The following CCR7 variants were observed in gnomAD, a reference collection of about 807,000 sequenced individuals.
The protein encoded by CCR7 is C-C motif chemokine receptor 7, also known as C-C chemokine receptor type 7.
CCR7 carries 11 observed loss-of-function variants against 26.0 expected under a neutral mutation model. That is an observed-to-expected ratio of 0.42 (90% CI 0.27 to 0.70). CCR7 has a LOEUF of 0.70. Ranked by LOEUF, CCR7 falls within the 30% of genes least tolerant of loss-of-function variation. The probability of loss-of-function intolerance (pLI) is 0.23; values close to 1 mark genes in which losing one functional copy is unlikely to be tolerated. For missense variants in CCR7, 360 were observed against 504.0 expected (o/e 0.71, Z 2.74); for synonymous variants, 189 against 202.1 (o/e 0.94, Z 0.55).
In CCR7 at chr17:40,555,756, G is replaced by A; in HGVS notation, c.123C>T (p.Tyr41=). 1.2e-6 allele frequency: 2 copies of A among 1,614,220 alleles called. No homozygotes were observed. The highest frequency in any genetic ancestry group is 1.1e-5 in the South Asian group (1 of 91,084). The stretch of plus-strand genomic sequence containing the variant: ...TGGAGCACAAAGACTCGAACAAAGT[G>A]TAGTCCACTGTGGTGTTGTCTCCGA... The part of the protein sequence containing the change: ...DYIGDNTTVD[Y]TLFESLCSKK... The change falls in exon 3 of 3, where the codon TAC becomes TAT. Residue 41 remains tyrosine (Y), a synonymous_variant. Transcript: ENST00000246657. This position sits in a 1 kb window ranked among gnomAD's most constrained non-coding sequence, Gnocchi z 5.6.
intron 1 of CCR7, among the ~76,000 whole-genome samples, chr17:40,563,429 C>T (rs2036674015): frequency 1.3e-5 from 2 of 152,276 alleles, no homozygotes; most frequent in Middle Eastern, 3.4e-3. Flanking sequence ...GAAAGATCTT[C>T]GGTCTCATTG....
At chr17:40,560,079 C>T (rs752841857) in intron 1 of CCR7, among the ~76,000 whole-genome samples, 2 of 152,122 alleles carry the variant, frequency 1.3e-5, no homozygotes, top group Non-Finnish European at 2.9e-5. Context: ...ATGGGGACCC[C>T]GGTGTAGCAC....
intron 1 of CCR7, among the ~76,000 whole-genome samples, chr17:40,561,375 A>G (rs2036653897): frequency 6.6e-6 from 1 of 152,204 alleles, no homozygotes; most frequent in East Asian, 1.9e-4. Context: ...TGTATGTGGC[A>G]AAAGGGAGCC....
intron 1 of CCR7, among the ~76,000 whole-genome samples, chr17:40,559,905 GAC>G (rs1473375016): frequency 1.3e-5 from 2 of 152,042 alleles, no homozygotes; most frequent in African/African-American, 4.8e-5. Flanking sequence ...CTGATGTCAC[GAC>G]TTCTTTATTT....
intron 1 of CCR7, among the ~76,000 whole-genome samples, chr17:40,563,637 G>A (rs373426287): frequency 2.3e-4 from 35 of 152,124 alleles, no homozygotes; most frequent in Admixed American, 5.2e-4. Context: ...CAGAGAGCCC[G>A]TTTTGAGTAA....
intron 2 of CCR7, among the ~76,000 whole-genome samples, chr17:40,558,101 T>G (rs2143911350): frequency 6.6e-6 from 1 of 152,178 alleles, no homozygotes; most frequent in East Asian, 1.9e-4. Flanking sequence ...CCTCCAGACC[T>G]GGGGATGAGC....
Position 40,555,568 on chromosome 17 carries a change from T to C in CCR7, c.311A>G (p.Asp104Gly). Residue 104 changes from aspartate (D) to glycine (G), a missense_variant, in exon 3 of 3, where the codon GAC becomes GGC. Coordinates refer to ENST00000246657, the MANE Select transcript of CCR7 (RefSeq NM_001838.4). This position sits in a 1 kb window ranked among gnomAD's most constrained non-coding sequence, Gnocchi z 5.6. The part of the protein sequence containing the change: ...DTYLLNLAVA[D>G]ILFLLTLPFW... ...GGGAAGGGTCAGGAGGAAGAGGATG[T>C]CTGCCACCGCCAGGTTGAGCAGGTA... The C allele has an allele frequency of 6.2e-7, 1 of 1,614,094 alleles. No homozygotes were observed. Among genetic ancestry groups the C allele is most frequent in the Non-Finnish European group, 8.5e-7 (1 of 1,180,020 alleles).
Position 40,565,441 on chromosome 17 carries a change from AGGCTGTGCCC to A in CCR7, c.-42_-33del. On this transcript the variant is annotated 5_prime_UTR_variant, in exon 1 of 3. Transcript: ENST00000246657. ...CTCTGGGCGGTAAAACCACACAGGA[AGGCTGTGCCC>A]GGCCTCGCACTACCCCTGTCTGGGG... is the stretch of plus-strand genomic sequence containing the variant. 1 of 1,612,216 alleles carries A rather than the reference AGGCTGTGCCC, an allele frequency of 6.2e-7. No individual in the cohort carries two copies. The highest frequency in any genetic ancestry group is 8.5e-7 in the Non-Finnish European group (1 of 1,178,306).
At chr17:40,559,905 G>A (rs1249752871) in intron 1 of CCR7, among the ~76,000 whole-genome samples, 2 of 152,042 alleles carry the variant, frequency 1.3e-5, no homozygotes, top group Non-Finnish European at 2.9e-5. Context: ...CTGATGTCAC[G>A]ACTTCTTTAT....
chr17:40,561,972 C>T (rs929067562), intron 1 of CCR7, among the ~76,000 whole-genome samples: 5 of 152,166 alleles, frequency 3.3e-5, no homozygotes, highest in Admixed American at 6.5e-5. Context: ...ACTGAGCTCT[C>T]ACTGCGTGCC....
chr17:40,555,959 G>A lies in CCR7; in HGVS notation c.61-141C>T. ...CTCACTCTGTTGCCCAGGCTGGAGT[G>A]CAGTGGTGCAATCATGGCTCCCTGC... On this transcript the variant is annotated intron_variant, in intron 2 of 2. Transcript: ENST00000246657. This position sits in a 1 kb window ranked among gnomAD's most constrained non-coding sequence, Gnocchi z 5.6. 1.6e-6 allele frequency: 1 copy of A among 607,724 alleles called. No homozygotes were observed. Among genetic ancestry groups the A allele is most frequent in the South Asian group, 2.0e-5 (1 of 49,368 alleles). The allele number at this position is 607,724 out of a possible 1,614,324, so 37.6% of individuals were successfully genotyped here. A position where few individuals can be genotyped will look rare whatever the true frequency, so the allele number is the denominator to read the frequency against.
Position 40,555,526 on chromosome 17 carries a change from G to T in CCR7, c.353C>A (p.Ala118Glu). The change falls in exon 3 of 3, where the codon GCG (alanine) becomes GAG (glutamate). Residue 118 changes from alanine (A) to glutamate (E), a missense_variant. Physicochemically the swap from Ala to Glu is moderately radical, Grantham distance 107. Transcript: ENST00000246657. This position sits in a 1 kb window ranked among gnomAD's most constrained non-coding sequence, Gnocchi z 5.6. ...LLTLPFWAYSAAKSWVFGVHF... is the reference protein window; with the variant it reads ...LLTLPFWAYSEAKSWVFGVHF... ...GACACCGAAGACCCAGGACTTGGCCGCGCTGTAGGCCCAGAAGGGAAGGGT... is the reference window on the plus strand; with the variant it reads ...GACACCGAAGACCCAGGACTTGGCCTCGCTGTAGGCCCAGAAGGGAAGGGT... 2 of 1,614,110 alleles carry T rather than the reference G, an allele frequency of 1.2e-6. No homozygotes were observed. The highest frequency in any genetic ancestry group is 1.7e-6 in the Non-Finnish European group (2 of 1,180,030).
Position 40,554,457 on chromosome 17 carries a change from T to C in CCR7, c.*285A>G. The C allele has an allele frequency of 2.4e-6, 1 of 418,510 alleles. No homozygotes were observed. The highest frequency in any genetic ancestry group is 4.3e-6 in the Non-Finnish European group (1 of 232,214). The allele number at this position is 418,510 out of a possible 1,614,324, so 25.9% of individuals were successfully genotyped here. On this transcript the variant is annotated 3_prime_UTR_variant, in exon 3 of 3. Coordinates refer to ENST00000246657, the MANE Select transcript of CCR7 (RefSeq NM_001838.4). Reference sequence around the variant, plus strand: ...TTCACTCCAGCAGGTGGGAACAGTTTCTGGACTTTCACTTTCAGTTTTTGG... The same window carrying C: ...TTCACTCCAGCAGGTGGGAACAGTTCCTGGACTTTCACTTTCAGTTTTTGG...
intron 1 of CCR7, among the ~76,000 whole-genome samples, chr17:40,561,994 A>T (rs1431355361): frequency 6.6e-6 from 1 of 152,164 alleles, no homozygotes; most frequent in African/African-American, 2.4e-5. Flanking sequence ...CACTGTCTGC[A>T]TGTATGGTCT....
chr17:40,562,809 C>T (rs1387191009), intron 1 of CCR7, among the ~76,000 whole-genome samples: 2 of 152,128 alleles, frequency 1.3e-5, no homozygotes, highest in African/African-American at 4.8e-5. Context: ...CGGCTGCAGC[C>T]TTAGTCCCCA....
Position 40,555,091 on chromosome 17 carries a change from T to C in CCR7, c.788A>G (p.Lys263Arg). 6.2e-7 allele frequency: 1 copy of C among 1,614,184 alleles called. No individual in the cohort carries two copies. The highest frequency in any genetic ancestry group is 8.5e-7 in the Non-Finnish European group (1 of 1,180,038). The change falls in exon 3 of 3, where the codon AAG (lysine) becomes AGG (arginine). Residue 263 changes from lysine to arginine, a missense_variant. By Grantham distance (26) the Lys-to-Arg change is conservative. Coordinates refer to ENST00000246657, the MANE Select transcript of CCR7 (RefSeq NM_001838.4). The surrounding 1 kb of genome is among the most constrained non-coding windows in gnomAD (Gnocchi z 5.6). ...GACCACGACCACAGCGATGATCACC[T>C]TGATGGCCTTGTTGCGCTCAAAGTT... ...ARNFERNKAI[K>R]VIIAVVVVFI...
rs1268032435 is a variant in CCR7 at position 40,555,003 on chromosome 17, G to A, written c.876C>T (p.Asn292=). 5.6e-6 allele frequency: 9 copies of A among 1,614,130 alleles called. No homozygotes were observed. Among genetic ancestry groups the A allele is most frequent in the Admixed American group, 5.0e-5 (3 of 60,016 alleles). ...TGAGCTCACAGGTGCTACTGGTGAT[G>A]TTGAAGTTGGCCACCGTCTGGGCCA... The part of the protein sequence containing the change: ...VVLAQTVANF[N]ITSSTCELSK... Residue 292 remains asparagine (N), a synonymous_variant, in exon 3 of 3, where the codon AAC becomes AAT. Coordinates refer to ENST00000246657, the MANE Select transcript of CCR7 (RefSeq NM_001838.4). The surrounding 1 kb of genome is among the most constrained non-coding windows in gnomAD (Gnocchi z 5.6).
intron 2 of CCR7, among the ~76,000 whole-genome samples, chr17:40,557,880 C>T (rs1157651305): frequency 1.3e-5 from 2 of 152,238 alleles, no homozygotes; most frequent in Non-Finnish European, 2.9e-5. Flanking sequence ...TGTCCTCCTC[C>T]CCTTCCCACC....
chr17:40,558,928 T>G lies in CCR7; in HGVS notation c.25A>C (p.Ser9Arg). 6.2e-7 allele frequency: 1 copy of G among 1,612,260 alleles called. No individual in the cohort carries two copies. Among genetic ancestry groups the G allele is most frequent in the Non-Finnish European group, 8.5e-7 (1 of 1,179,284 alleles). Residue 9 changes from serine to arginine, a missense_variant, in exon 2 of 3, where the codon AGC becomes CGC. Transcript: ENST00000246657. ...ACAAGGAGAGCCACCACCAGCACGC[T>G]TTTCATTGGTTTCCCTGTAGGAGAC... MDLGKPMK[S>R]VLVVALLVIF...
Sources: gnomAD v4.1 joint callset for allele counts (sites outside exome capture counted in the v4.1 genomes callset) on GRCh38, gnomAD v4.1.1 for gene constraint, Gnocchi (gnomAD v3.1) non-coding constraint, MANE v1.5 for transcripts, NCBI Gene and HGNC (gene_info 2026-07-23, HGNC 2026-07-21) for gene names.